The following GABRA3 variants were observed in gnomAD, a reference collection of about 807,000 sequenced individuals.
GABRA3 encodes the protein gamma-aminobutyric acid receptor subunit alpha-3.
GABRA3 carries 10 observed loss-of-function variants against 30.1 expected under a neutral mutation model. That is an observed-to-expected ratio of 0.33 (90% confidence interval 0.20 to 0.56). The LOEUF is 0.56. Among genes scored for constraint, GABRA3 ranks in the 20% least tolerant of loss-of-function variants. GABRA3 has a pLI of 0.89. For synonymous variants in GABRA3, 151 were observed against 146.8 expected (o/e 1.03, Z -0.21); for missense variants, 233 against 392.0 (o/e 0.59, Z 3.42).
rs73623066 is a variant in GABRA3, at chrX:152,318,992, G to A, written c.262+26589C>T. 7.2e-5 allele frequency among the ~76,000 whole-genome samples: 8 copies of A among 111,107 alleles called. No individual in the cohort carries two copies. In the East Asian group the frequency reaches 1.1e-3, roughly 16 times the overall value. On this transcript the variant is annotated intron_variant, in intron 3 of 9. Coordinates refer to ENST00000370314, the MANE Select transcript of GABRA3 (RefSeq NM_000808.4). ...AGTACCAGAAGTCCTAGCCAGAGCCGACACAAGAATGGAATAAAGAGCATC... is the reference window on the plus strand; with the variant it reads ...AGTACCAGAAGTCCTAGCCAGAGCCAACACAAGAATGGAATAAAGAGCATC...
intron 1 of GABRA3, among the ~76,000 whole-genome samples, chrX:152,388,496 T>A (rs940600419): frequency 1.8e-5 from 2 of 112,069 alleles, no homozygotes; most frequent in Non-Finnish European, 3.8e-5. Flanking sequence ...TGAGCCGATA[T>A]TCACAATGCG....
intron 2 of GABRA3, among the ~76,000 whole-genome samples, chrX:152,351,542 G>C (rs763829134): frequency 2.4e-4 from 27 of 112,184 alleles, no homozygotes; most frequent in Middle Eastern, 4.6e-3. Context: ...ATTAGACTTT[G>C]CTTGAAGAGA....
At chrX:152,177,337 A>G (rs1344959008) in intron 9 of GABRA3, among the ~76,000 whole-genome samples, 1 of 111,443 alleles carries the variant, frequency 9.0e-6, no homozygotes, top group African/African-American at 3.3e-5. Context: ...GAGTAGGAGG[A>G]TACGTCAAGA....
At chrX:152,278,922 CTG>C (rs1939143560) in intron 4 of GABRA3, among the ~76,000 whole-genome samples, 1 of 111,937 alleles carries the variant, frequency 8.9e-6, no homozygotes, top group African/African-American at 3.2e-5. Flanking sequence ...TGAGAAGTGT[CTG>C]TTCATATCCT....
At chrX:152,292,187 T>C (rs1173767028) in intron 3 of GABRA3, among the ~76,000 whole-genome samples, 1 of 111,871 alleles carries the variant, frequency 8.9e-6, no homozygotes, top group Admixed American at 9.5e-5. Flanking sequence ...ATTGTCTCAA[T>C]TTCAGAGCCT....
intron 3 of GABRA3, among the ~76,000 whole-genome samples, chrX:152,303,866 G>T (rs1939678306): frequency 9.0e-6 from 1 of 110,992 alleles, no homozygotes; most frequent in Non-Finnish European, 1.9e-5. Flanking sequence ...CGCATGTGGG[G>T]CTTAAAACCT....
At chrX:152,187,586 T>A (rs780858547) in intron 9 of GABRA3, among the ~76,000 whole-genome samples, 6 of 110,951 alleles carry the variant, frequency 5.4e-5, no homozygotes, top group Non-Finnish European at 1.1e-4. Context: ...TGTATCAACA[T>A]AGAGGGATTT....
intron 3 of GABRA3, among the ~76,000 whole-genome samples, chrX:152,306,105 C>T (rs1211621481): frequency 6.3e-5 from 7 of 111,994 alleles, no homozygotes; most frequent in Admixed American, 1.9e-4. Flanking sequence ...TACATGATCA[C>T]GGTAATGCAA....
At chrX:152,286,643 C>T (rs762795469) in intron 3 of GABRA3, among the ~76,000 whole-genome samples, 6 of 111,554 alleles carry the variant, frequency 5.4e-5, no homozygotes, top group South Asian at 7.6e-4. Flanking sequence ...TTTTAGCTCT[C>T]GTTGATTTCT....
chrX:152,419,589 T>C (rs921003707), intron 1 of GABRA3, among the ~76,000 whole-genome samples: 1 of 111,519 alleles, frequency 9.0e-6, no homozygotes, highest in African/African-American at 3.3e-5. Flanking sequence ...AATACTCCTA[T>C]AACTCTTAAA....
chrX:152,332,345 G>A (rs1306183229), intron 3 of GABRA3, among the ~76,000 whole-genome samples: 1 of 111,473 alleles, frequency 9.0e-6, no homozygotes, highest in East Asian at 2.8e-4. Flanking sequence ...GGTGGAGAGT[G>A]AAAACTATTT....
intron 6 of GABRA3, among the ~76,000 whole-genome samples, chrX:152,209,598 T>C (rs1937612066): frequency 8.9e-6 from 1 of 112,126 alleles, no homozygotes; most frequent in Admixed American, 9.5e-5. Context: ...AATAAACAAA[T>C]ATAAATGCTG....
chrX:152,236,208 T>C (rs1479311638), intron 5 of GABRA3, among the ~76,000 whole-genome samples: 3 of 97,645 alleles, frequency 3.1e-5, no homozygotes, highest in Non-Finnish European at 6.1e-5. Flanking sequence ...TGTGATCTCA[T>C]TGTTCAATTC....
At chrX:152,319,634 G>A (rs1939931780) in intron 3 of GABRA3, among the ~76,000 whole-genome samples, 1 of 111,481 alleles carries the variant, frequency 9.0e-6, no homozygotes, top group Non-Finnish European at 1.9e-5. Context: ...TCTGAAAGAT[G>A]ACATCAGAAA....
intron 6 of GABRA3, among the ~76,000 whole-genome samples, chrX:152,219,365 A>T (rs1172490193): frequency 9.0e-6 from 1 of 110,901 alleles, no homozygotes; most frequent in East Asian, 2.8e-4. Flanking sequence ...AAGGGTAACC[A>T]CTATCCTGAC....
intron 1 of GABRA3, among the ~76,000 whole-genome samples, chrX:152,386,911 T>G (rs1471721830): frequency 9.4e-6 from 1 of 106,023 alleles, no homozygotes; most frequent in African/African-American, 3.4e-5. Context: ...TGTCCAACAA[T>G]GATAGACTGG....
At chrX:152,445,259 T>C (rs1180360696) in intron 1 of GABRA3, among the ~76,000 whole-genome samples, 1 of 109,676 alleles carries the variant, frequency 9.1e-6, no homozygotes, top group East Asian at 2.9e-4. Context: ...TATTACCAAC[T>C]AGTATTTCCC....
chrX:152,294,941 C>T lies in GABRA3; in HGVS notation c.263-10206G>A, dbSNP rs762220874. Among the ~76,000 whole-genome samples the T allele has an allele frequency of 2.7e-5, 3 of 110,263 alleles. No homozygotes were observed. The South Asian group carries it at 1.1e-3, about 42-fold the overall frequency. On this transcript the variant is annotated intron_variant, in intron 3 of 9. Coordinates refer to ENST00000370314, the MANE Select transcript of GABRA3 (RefSeq NM_000808.4). ...CTGTTGGAGTTTGCTCCAACAGCTG[C>T]AGGTCTGTTGGAGTTTGCTGGAGGT...
At chrX:152,336,903 G>T (rs999371279) in intron 3 of GABRA3, among the ~76,000 whole-genome samples, 3 of 111,350 alleles carry the variant, frequency 2.7e-5, no homozygotes, top group African/African-American at 9.8e-5. Context: ...AGACAAGTCA[G>T]AGTCATAGAT....
Sources: gnomAD v4.1 joint callset for allele counts (sites outside exome capture counted in the v4.1 genomes callset) on GRCh38, gnomAD v4.1.1 for gene constraint, MANE v1.5 for transcripts, NCBI Gene and HGNC (gene_info 2026-07-23, HGNC 2026-07-21) for gene names.